The following KDM4B variants were observed in gnomAD, a reference collection of about 807,000 sequenced individuals.
KDM4B encodes lysine demethylase 4B, also known as lysine-specific demethylase 4B.
Under a neutral mutation model 125.2 loss-of-function variants are expected in KDM4B, and 32 were observed. The observed-to-expected ratio is 0.26, with a 90% CI of 0.19 to 0.34. KDM4B has a LOEUF of 0.34. KDM4B is among the 10% of genes least tolerant of loss of function. The pLI, the probability that KDM4B is intolerant of heterozygous loss-of-function variation, is 1.00. For synonymous variants in KDM4B, 721 were observed against 677.9 expected (o/e 1.06, Z -0.99); for missense variants, 1,190 against 1,577.7 (o/e 0.75, Z 4.16).
intron 2 of KDM4B, among the ~76,000 whole-genome samples, chr19:5,032,404 G>A (rs1002313898): frequency 2.0e-5 from 3 of 152,202 alleles, no homozygotes; most frequent in East Asian, 1.9e-4. Flanking sequence ...GGCCTGCTCC[G>A]AGGGGTGGGT....
Position 5,135,359 on chromosome 19 carries a change from G to A in KDM4B, c.2106G>A (p.Glu702=). Residue 702 remains glutamate, a synonymous_variant, in exon 15 of 23, where the codon GAG becomes GAA. Coordinates refer to ENST00000159111, the MANE Select transcript of KDM4B (RefSeq NM_015015.3). ...TACAGGCCCTACAGACTGAGAAGGA[G>A]GCACCCATAGCCTCCCTCGGAGAGG... ...PYCQALQTEK[E]APIASLGEGC... is the part of the protein sequence containing the mutation. The A allele has an allele frequency of 1.2e-6, 2 of 1,612,980 alleles. No individual in the cohort carries two copies. Among genetic ancestry groups the A allele is most frequent in the African/African-American group, 1.3e-5 (1 of 75,046 alleles).
At chr19:4,977,992 G>A (rs1429846434) in intron 1 of KDM4B, among the ~76,000 whole-genome samples, 1 of 152,208 alleles carries the variant, frequency 6.6e-6, no homozygotes, top group Non-Finnish European at 1.5e-5. Context: ...AATCCCATCT[G>A]TCAGACAGTG....
At chr19:5,020,778 G>A (rs1277420985) in intron 2 of KDM4B, among the ~76,000 whole-genome samples, 2 of 152,186 alleles carry the variant, frequency 1.3e-5, no homozygotes. Flanking sequence ...TTCCTGACCT[G>A]TAAAAAAGCA....
At chr19:5,023,758 A>ATTTTTTTTTTTTTT (rs148293792) in intron 2 of KDM4B, among the ~76,000 whole-genome samples, 1 of 89,122 alleles carries the variant, frequency 1.1e-5, no homozygotes, top group Non-Finnish European at 2.0e-5. Context: ...GTCTTTTTGA[A>ATTTTTTTTTTTTTT]TTTTTTTTTT....
At position 4,989,329 on chromosome 19, in the gene KDM4B, G is replaced by GT. The variant is rs968202986; in HGVS notation, c.-109+20108dup. Among the ~76,000 whole-genome samples, 129 of 151,410 alleles carry GT rather than the reference G, an allele frequency of 8.5e-4. 1 individual carries two copies. Among genetic ancestry groups the GT allele is most frequent in the East Asian group, 1.7e-3 (9 of 5,144 alleles). On this transcript the variant is annotated intron_variant, in intron 1 of 22. Transcript: ENST00000159111. Reference sequence around the variant, plus strand: ...TTTCTGTTTCTGTTTCTTTTTCTTTGTTTTTTTTTGTTTGTTTGTTTGTTT... The same window carrying GT: ...TTTCTGTTTCTGTTTCTTTTTCTTTGTTTTTTTTTTGTTTGTTTGTTTGTTT...
intron 7 of KDM4B, among the ~76,000 whole-genome samples, chr19:5,073,434 G>A (rs538983162): frequency 4.6e-5 from 7 of 152,366 alleles, no homozygotes; most frequent in African/African-American, 1.7e-4. Context: ...CTTCACCCAG[G>A]CGGGCCCCTC....
intron 1 of KDM4B, among the ~76,000 whole-genome samples, chr19:4,999,819 G>A (rs540224418): frequency 2.7e-4 from 18 of 67,276 alleles, no homozygotes; most frequent in African/African-American, 6.0e-4. Flanking sequence ...CTATCCACCC[G>A]TCCACCCACC....
At chr19:5,131,830 G>A in intron 12 of KDM4B, 57 bp from the exon 13 acceptor site, 1 of 1,610,304 alleles carries the variant, frequency 6.2e-7, no homozygotes, top group Admixed American at 1.7e-5. Flanking sequence ...GGCTCCGAGG[G>A]AGCCCCACCC....
At chr19:5,085,342 A>AT (rs2038456340) in intron 9 of KDM4B, among the ~76,000 whole-genome samples, 1 of 152,074 alleles carries the variant, frequency 6.6e-6, no homozygotes, top group South Asian at 2.1e-4. Context: ...TTGAAAGGGC[A>AT]TGTGTCTGTG....
At chr19:5,015,928 A>C (rs1264460443) in intron 1 of KDM4B, among the ~76,000 whole-genome samples, 1 of 152,094 alleles carries the variant, frequency 6.6e-6, no homozygotes, top group African/African-American at 2.4e-5. Flanking sequence ...GGAGGAAGCA[A>C]AACTTCTTGA....
At chr19:5,097,776 G>C (rs759557128) in intron 9 of KDM4B, among the ~76,000 whole-genome samples, 2 of 152,200 alleles carry the variant, frequency 1.3e-5, no homozygotes, top group African/African-American at 4.8e-5. Flanking sequence ...GTGCAGTGTT[G>C]GCTGTTCCAG....
intron 10 of KDM4B, chr19:5,111,601 T>C: frequency 1.4e-6 from 1 of 723,848 alleles, no homozygotes; most frequent in Non-Finnish European, 2.5e-6. Flanking sequence ...TCCAGGGCTC[T>C]GAGCTGCCCT....
chr19:5,063,640 A>T (rs918003160), intron 6 of KDM4B, among the ~76,000 whole-genome samples: 2 of 152,202 alleles, frequency 1.3e-5, no homozygotes, highest in African/African-American at 4.8e-5. Context: ...TGTGGCACTG[A>T]GCCCAGCAAC....
intron 10 of KDM4B, chr19:5,112,520 G>C (rs1029264910): frequency 6.6e-6 from 1 of 152,240 alleles, no homozygotes; most frequent in Non-Finnish European, 1.5e-5. Flanking sequence ...GCTCAGCCTT[G>C]GCCCCCCACC....
chr19:5,120,444 T>A (rs1453853351), intron 11 of KDM4B, among the ~76,000 whole-genome samples: 1 of 152,172 alleles, frequency 6.6e-6, no homozygotes, highest in Non-Finnish European at 1.5e-5. Flanking sequence ...GGGGCCCCCG[T>A]CAGCAGGTCT....
intron 1 of KDM4B, among the ~76,000 whole-genome samples, chr19:4,970,961 G>A (rs1327927879): frequency 6.6e-6 from 1 of 152,098 alleles, no homozygotes; most frequent in Non-Finnish European, 1.5e-5. Context: ...TGGCCTAGAG[G>A]AGGTCACCGC....
At chr19:5,103,456 T>C (rs2038976425) in intron 9 of KDM4B, among the ~76,000 whole-genome samples, 1 of 152,216 alleles carries the variant, frequency 6.6e-6, no homozygotes, top group East Asian at 1.9e-4. Context: ...CTCTGAGGCC[T>C]GCGTCAAGAA....
At chr19:5,043,875 C>CCG (rs1280240709) in intron 5 of KDM4B, among the ~76,000 whole-genome samples, 94 of 138,372 alleles carry the variant, frequency 6.8e-4, no homozygotes, top group African/African-American at 2.4e-3. Flanking sequence ...CCACCTTATC[C>CCG]CGTGCTGTGT....
chr19:5,008,268 T>C (rs894153146), intron 1 of KDM4B, among the ~76,000 whole-genome samples: 1 of 152,230 alleles, frequency 6.6e-6, no homozygotes, highest in Non-Finnish European at 1.5e-5. Flanking sequence ...TTGAAAAAAC[T>C]GTTCTTTTTG....
Sources: gnomAD v4.1 joint callset for allele counts (sites outside exome capture counted in the v4.1 genomes callset) on GRCh38, gnomAD v4.1.1 for gene constraint, MANE v1.5 for transcripts, NCBI Gene and HGNC (gene_info 2026-07-23, HGNC 2026-07-21) for gene names.